Variants in ANKRD34C observed in about 807,000 individuals in gnomAD.
The protein encoded by ANKRD34C is ankyrin repeat domain 34C.
For synonymous variants in ANKRD34C, 260 were observed against 253.6 expected, an observed-to-expected ratio of 1.03 and a Z score of -0.24; for missense variants, 563 against 653.0, an observed-to-expected ratio of 0.86 and a Z score of 1.50.
chr15:79,294,303 A>G lies in ANKRD34C; in HGVS notation c.1019A>G (p.His340Arg). The G allele has an allele frequency of 6.4e-7, 1 of 1,551,680 alleles. No individual in the cohort carries two copies. The highest frequency in any genetic ancestry group is 8.7e-7 in the Non-Finnish European group (1 of 1,146,990). Reference protein sequence around the residue: ...KAAYEKGQAPHPRLARRGTLP... With the variant: ...KAAYEKGQAPRPRLARRGTLP... ...GCCTATGAGAAAGGTCAGGCTCCCC[A>G]CCCACGTCTGGCCAGGAGAGGAACT... Residue 340 changes from histidine to arginine, a missense_variant, in exon 2 of 2, where the codon CAC (histidine) becomes CGC (arginine). Physicochemically the swap from His to Arg is conservative, Grantham distance 29. Coordinates refer to ENST00000421388, the MANE Select transcript of ANKRD34C (RefSeq NM_001146341.2).
rs1596040893 is a variant in ANKRD34C, at chr15:79,294,411, A to G, written c.1127A>G (p.Glu376Gly). Reference protein sequence around the residue: ...LKEPASLKWLENDLYDLDIQP... With the variant: ...LKEPASLKWLGNDLYDLDIQP... ...GAGCCTGCATCCCTCAAATGGCTGG[A>G]AAATGACCTCTATGACTTAGATATA... Residue 376 changes from glutamate to glycine, a missense_variant, in exon 2 of 2, where the codon GAA becomes GGA. Physicochemically the swap from Glu to Gly is moderately conservative, Grantham distance 98. Coordinates refer to ENST00000421388, the MANE Select transcript of ANKRD34C (RefSeq NM_001146341.2). 1 of 1,551,616 alleles carries G rather than the reference A, an allele frequency of 6.4e-7. No homozygotes were observed.
intron 1 of ANKRD34C, chr15:79,284,055 A>T (rs1299059464): frequency 1.3e-5 from 2 of 152,212 alleles, no homozygotes; most frequent in African/African-American, 4.8e-5. Context: ...CGGAAGGTGT[A>T]CCCAAACTTC....
rs2058672169 is a variant in ANKRD34C at position 79,296,254 on chromosome 15, T to C, written c.*1362T>C. The C allele has an allele frequency of 6.0e-6, 1 of 166,694 alleles. No individual in the cohort carries two copies. The allele number at this position is 166,694 out of a possible 1,614,324, so 10.3% of individuals were successfully genotyped here. A position where few individuals can be genotyped will look rare whatever the true frequency, so the allele number is the denominator to read the frequency against. On this transcript the variant is annotated 3_prime_UTR_variant, in exon 2 of 2. Transcript: ENST00000421388. ...AGCTGCGTGACCTTGAGGAGGCAGC[T>C]TAACTTCTCTTAGTCTCTGTTCCCT...
intron 1 of ANKRD34C, chr15:79,283,591 G>GA (rs1479471537): frequency 1.3e-5 from 2 of 152,142 alleles, no homozygotes; most frequent in Non-Finnish European, 2.9e-5. Context: ...AAATGTGCAC[G>GA]AAATTGTAAA....
Position 79,293,844 on chromosome 15 carries a change from C to A in ANKRD34C, c.560C>A (p.Ser187Tyr), listed in dbSNP as rs1337888156. The change falls in exon 2 of 2, where the codon TCT becomes TAT. Residue 187 changes from serine (S) to tyrosine (Y), a missense_variant. Physicochemically the swap from Ser to Tyr is moderately radical, Grantham distance 144. Coordinates refer to ENST00000421388, the MANE Select transcript of ANKRD34C (RefSeq NM_001146341.2). ...AGGCATTCACCTCCACTGTGTGCGT[C>A]TCCCTCTGACATAGAGCTGAAGGCT... Reference protein sequence around the residue: ...EDRHSPPLCASPSDIELKALG... With the variant: ...EDRHSPPLCAYPSDIELKALG... The A allele has an allele frequency of 6.4e-7, 1 of 1,551,764 alleles. No homozygotes were observed. The highest frequency in any genetic ancestry group is 1.2e-5 in the South Asian group (1 of 84,060).
rs138830844 is a variant in ANKRD34C, at chr15:79,284,125, T to A, written c.-45+897T>A. On this transcript the variant is annotated intron_variant, in intron 1 of 1. Coordinates refer to ENST00000421388, the MANE Select transcript of ANKRD34C (RefSeq NM_001146341.2). ...GTGCCAAGGCCCCGTGCTAAGCCAG[T>A]GCACCACAAATTTGTGTCCTATGAG... 4.6e-5 allele frequency among the ~76,000 whole-genome samples: 7 copies of A among 152,322 alleles called. No individual in the cohort carries two copies. The East Asian group carries it at 1.4e-3, about 29-fold the overall frequency.
At chr15:79,284,192 C>T (rs1284319886) in intron 1 of ANKRD34C, among the ~76,000 whole-genome samples, 1 of 152,092 alleles carries the variant, frequency 6.6e-6, no homozygotes, top group African/African-American at 2.4e-5. Flanking sequence ...CAAGAGAGGC[C>T]GAGTAACTTG....
intron 1 of ANKRD34C, among the ~76,000 whole-genome samples, chr15:79,286,127 C>T (rs1430299356): frequency 6.6e-6 from 1 of 151,880 alleles, no homozygotes; most frequent in African/African-American, 2.4e-5. Flanking sequence ...AGTATTTCCT[C>T]TCCAGCCCCT....
At position 79,287,518 on chromosome 15, in the gene ANKRD34C, A is replaced by G. The variant is rs575443416; in HGVS notation, c.-45+4290A>G. ...TTATCCTTAACACCTAGCCTGGAGT[A>G]GATAATCAATATATGTTTGATCATG... On this transcript the variant is annotated intron_variant, in intron 1 of 1. Transcript: ENST00000421388. 2.2e-4 allele frequency among the ~76,000 whole-genome samples: 33 copies of G among 152,376 alleles called. No homozygotes were observed. The South Asian group carries it at 6.8e-3, about 32-fold the overall frequency.
intron 1 of ANKRD34C, among the ~76,000 whole-genome samples, chr15:79,287,058 A>T (rs1407623003): frequency 1.3e-5 from 2 of 152,068 alleles, no homozygotes; most frequent in Non-Finnish European, 2.9e-5. Context: ...TCTCTTTGTG[A>T]GCCCTTTCCT....
rs959824577 is a variant in ANKRD34C at position 79,294,619 on chromosome 15, A to T, written c.1335A>T (p.Arg445=). The change falls in exon 2 of 2, where the codon CGA becomes CGT. Residue 445 remains arginine, a synonymous_variant. Transcript: ENST00000421388. The part of the protein sequence containing the change: ...RRRPPHLLER[R]GSGTLLLDRI... ...GGCCGCCACATCTTCTAGAACGACGAGGTTCTGGAACTCTGCTCCTTGATC... is the reference window on the plus strand; with the variant it reads ...GGCCGCCACATCTTCTAGAACGACGTGGTTCTGGAACTCTGCTCCTTGATC... 1 of 1,551,710 alleles carries T rather than the reference A, an allele frequency of 6.4e-7. No homozygotes were observed.
intron 1 of ANKRD34C, among the ~76,000 whole-genome samples, chr15:79,288,415 A>G (rs1596039061): frequency 1.3e-5 from 2 of 152,204 alleles, no homozygotes; most frequent in African/African-American, 4.8e-5. Flanking sequence ...GAGGAGAGGG[A>G]GAAGCATTTA....
At chr15:79,286,824 G>T (rs1189990928) in intron 1 of ANKRD34C, among the ~76,000 whole-genome samples, 1 of 152,124 alleles carries the variant, frequency 6.6e-6, no homozygotes, top group East Asian at 1.9e-4. Context: ...TTCAGGACAA[G>T]GCTACAAGGA....
In ANKRD34C at chr15:79,297,900, A is replaced by G. The variant is rs2058676095; in HGVS notation, c.*3008A>G. On this transcript the variant is annotated 3_prime_UTR_variant, in exon 2 of 2. Transcript: ENST00000421388. ...CTTAAGCATTTCTGGACTGTTTATC[A>G]AAATATATTACAGAATGTGAGACTA... 6.0e-6 allele frequency: 1 copy of G among 166,360 alleles called. No individual in the cohort carries two copies. The highest frequency in any genetic ancestry group is 6.5e-5 in the Admixed American group (1 of 15,284). The allele number at this position is 166,360 out of a possible 1,614,324, so 10.3% of individuals were successfully genotyped here. A position where few individuals can be genotyped will look rare whatever the true frequency, so the allele number is the denominator to read the frequency against.
At position 79,294,554 on chromosome 15, in the gene ANKRD34C, G is replaced by A. The variant is rs1298861904; in HGVS notation, c.1270G>A (p.Asp424Asn). The A allele has an allele frequency of 3.9e-6, 6 of 1,551,526 alleles. No homozygotes were observed. The African/African-American group carries it at 4.1e-5, about 11-fold the overall frequency. ...TTTCCATGGCTCTCGGGAGTCCCTGGACACTGTACCTAGCACATCCCCCAG... is the reference window on the plus strand; with the variant it reads ...TTTCCATGGCTCTCGGGAGTCCCTGAACACTGTACCTAGCACATCCCCCAG... Reference protein sequence around the residue: ...SLFHGSRESLDTVPSTSPSSA... With the variant: ...SLFHGSRESLNTVPSTSPSSA... Residue 424 changes from aspartate (D) to asparagine (N), a missense_variant, in exon 2 of 2, where the codon GAC (aspartate) becomes AAC (asparagine). Asp to Asn is a conservative substitution (Grantham distance 23). Transcript: ENST00000421388.
chr15:79,283,502 C>G (rs959109262), intron 1 of ANKRD34C: 2 of 152,230 alleles, frequency 1.3e-5, no homozygotes, highest in African/African-American at 4.8e-5. Flanking sequence ...TGGATTTTTG[C>G]AGGGACTGAA....
intron 1 of ANKRD34C, among the ~76,000 whole-genome samples, chr15:79,288,239 C>A (rs374496059): frequency 6.6e-6 from 1 of 152,154 alleles, no homozygotes; most frequent in South Asian, 2.1e-4. Context: ...GGCTATAATC[C>A]CTGGGGAGTA....
chr15:79,295,147 A>G lies in ANKRD34C; in HGVS notation c.*255A>G, dbSNP rs1243657517. 6.4e-6 allele frequency: 3 copies of G among 465,800 alleles called. No homozygotes were observed. The highest frequency in any genetic ancestry group is 1.2e-5 in the Non-Finnish European group (3 of 259,038). The allele number at this position is 465,800 out of a possible 1,614,324, so 28.9% of individuals were successfully genotyped here. On this transcript the variant is annotated 3_prime_UTR_variant, in exon 2 of 2. Coordinates refer to ENST00000421388, the MANE Select transcript of ANKRD34C (RefSeq NM_001146341.2). Reference sequence around the variant, plus strand: ...AGCCTTTGGAATTTGAAGGTAACACAGCAAGTACAATGATGTAAGCTGGGG... The same window carrying G: ...AGCCTTTGGAATTTGAAGGTAACACGGCAAGTACAATGATGTAAGCTGGGG...
rs2141204082 is a variant in ANKRD34C, at chr15:79,295,628, A to G, written c.*736A>G. ...ACTTTCCCCAGACCCGTCCCCTGAC[A>G]CAGGCTCTTGTATTGAAATCTTGTG... On this transcript the variant is annotated 3_prime_UTR_variant, in exon 2 of 2. Coordinates refer to ENST00000421388, the MANE Select transcript of ANKRD34C (RefSeq NM_001146341.2). 1.8e-5 allele frequency: 3 copies of G among 167,262 alleles called. No homozygotes were observed. The Admixed American group carries it at 2.0e-4, about 11-fold the overall frequency. The allele number at this position is 167,262 out of a possible 1,614,324, so 10.4% of individuals were successfully genotyped here.
Sources: gnomAD v4.1 joint callset for allele counts (sites outside exome capture counted in the v4.1 genomes callset) on GRCh38, gnomAD v4.1.1 for gene constraint, MANE v1.5 for transcripts, NCBI Gene and HGNC (gene_info 2026-07-23, HGNC 2026-07-21) for gene names.